Variants in ARHGAP10 observed in about 807,000 individuals in gnomAD.
ARHGAP10 encodes Rho GTPase activating protein 10, also known as rho GTPase-activating protein 10.
A neutral mutation model predicts 108.6 loss-of-function variants in ARHGAP10; 87 were observed. The ratio of observed to expected loss-of-function variants is 0.80; its 90% CI spans 0.67 to 0.96. The LOEUF (loss-of-function observed/expected upper bound fraction) is 0.96, where lower values mean the gene tolerates loss of function less well. Among genes scored for constraint, ARHGAP10 ranks in the 40% least tolerant of loss-of-function variants. The pLI, the probability that ARHGAP10 is intolerant of heterozygous loss-of-function variation, is 0.00. For synonymous variants in ARHGAP10, 347 were observed against 341.1 expected (o/e 1.02, Z -0.19); for missense variants, 939 against 954.5 (o/e 0.98, Z 0.21).
intron 1 of ARHGAP10, among the ~76,000 whole-genome samples, chr4:147,756,046 T>A (rs1039704944): frequency 3.3e-5 from 5 of 150,202 alleles, no homozygotes; most frequent in Non-Finnish European, 7.4e-5. Context: ...TAGTTGTCAG[T>A]GGTGAGGATT....
At chr4:147,975,453 G>A (rs1215995615) in intron 18 of ARHGAP10, among the ~76,000 whole-genome samples, 2 of 152,280 alleles carry the variant, frequency 1.3e-5, no homozygotes, top group East Asian at 3.9e-4. Context: ...ACTTGAGACT[G>A]GGTAATTTTG....
chr4:147,762,831 C>CT (rs1302822526), intron 1 of ARHGAP10, among the ~76,000 whole-genome samples: 3 of 151,868 alleles, frequency 2.0e-5, no homozygotes. Flanking sequence ...CACCTGGCCG[C>CT]TTTTTTATTT....
At chr4:147,786,892 C>G (rs1730912611) in intron 1 of ARHGAP10, among the ~76,000 whole-genome samples, 1 of 152,266 alleles carries the variant, frequency 6.6e-6, no homozygotes, top group Middle Eastern at 3.2e-3. Context: ...TGTCCTCACT[C>G]TTGTGACAGT....
intron 3 of ARHGAP10, among the ~76,000 whole-genome samples, chr4:147,832,403 C>T (rs2126798864): frequency 6.6e-6 from 1 of 150,934 alleles, no homozygotes; most frequent in South Asian, 2.1e-4. Context: ...AATCCCAGCA[C>T]TTTGGGAGGC....
At chr4:147,977,784 T>C (rs1018713458) in intron 18 of ARHGAP10, among the ~76,000 whole-genome samples, 2 of 152,072 alleles carry the variant, frequency 1.3e-5, no homozygotes, top group Non-Finnish European at 2.9e-5. Flanking sequence ...AACAGGAAGT[T>C]TTTCCACCCT....
chr4:147,871,945 A>G (rs1180055369), intron 7 of ARHGAP10, among the ~76,000 whole-genome samples: 3 of 152,086 alleles, frequency 2.0e-5, no homozygotes, highest in African/African-American at 7.2e-5. Flanking sequence ...CACAAAAAAT[A>G]GAGAAAAATT....
chr4:147,784,050 T>TA, intron 1 of ARHGAP10, among the ~76,000 whole-genome samples: 1 of 143,416 alleles, frequency 7.0e-6, no homozygotes, highest in South Asian at 2.3e-4. Flanking sequence ...ATATATTATA[T>TA]ATTTTACATA....
chr4:147,827,433 A>G (rs557469326), intron 3 of ARHGAP10, among the ~76,000 whole-genome samples: 1 of 152,338 alleles, frequency 6.6e-6, no homozygotes, highest in Non-Finnish European at 1.5e-5. Flanking sequence ...GCCAGCAAAG[A>G]TAATGTGGCT....
chr4:147,892,205 T>G (rs1321356623), intron 10 of ARHGAP10, among the ~76,000 whole-genome samples: 1 of 152,198 alleles, frequency 6.6e-6, no homozygotes, highest in Non-Finnish European at 1.5e-5. Context: ...AAATCACCTA[T>G]GTATCTGAAG....
intron 1 of ARHGAP10, among the ~76,000 whole-genome samples, chr4:147,784,036 AATTAT>A (rs1344569572): frequency 1.4e-5 from 2 of 138,718 alleles, no homozygotes; most frequent in Admixed American, 7.5e-5. Flanking sequence ...ACACACATTA[AATTAT>A]ATATTATATA....
In ARHGAP10 at chr4:147,857,785, G is replaced by A. The variant is rs1317150968; in HGVS notation, c.486+131G>A. On this transcript the variant is annotated intron_variant, in intron 5 of 22. Transcript: ENST00000336498. ...AGATAACAAAAAGTGAACAGGTATT[G>A]TCATAAATTAAGAAAAAAGTCCTTG... The A allele has an allele frequency of 1.0e-5, 8 of 795,618 alleles. No individual in the cohort carries two copies. The East Asian group carries it at 3.3e-4, about 33-fold the overall frequency. 49.3% of individuals were successfully genotyped at this position (795,618 alleles called of 1,614,324 possible).
At chr4:148,021,281 C>T (rs1477759192) in intron 18 of ARHGAP10, among the ~76,000 whole-genome samples, 2 of 152,144 alleles carry the variant, frequency 1.3e-5, no homozygotes, top group African/African-American at 4.8e-5. Flanking sequence ...CACCCTTTCC[C>T]CAACACCCTC....
rs952584010 is a variant in ARHGAP10, at chr4:147,959,202, A to G, written c.1450+3828A>G. Reference sequence around the variant, plus strand: ...GATTAATGTCAAAACAAGATAGAGAAAAAAATGGTTTTATTTAAAAAGCCC... The same window carrying G: ...GATTAATGTCAAAACAAGATAGAGAGAAAAATGGTTTTATTTAAAAAGCCC... On this transcript the variant is annotated intron_variant, in intron 16 of 22. Transcript: ENST00000336498. Among the ~76,000 whole-genome samples, 5 of 151,374 alleles carry G rather than the reference A, an allele frequency of 3.3e-5. No homozygotes were observed. The South Asian group carries it at 1.0e-3, about 31-fold the overall frequency.
At chr4:148,022,434 A>T (rs545824257) in intron 18 of ARHGAP10, among the ~76,000 whole-genome samples, 2 of 152,322 alleles carry the variant, frequency 1.3e-5, no homozygotes, top group South Asian at 4.1e-4. Flanking sequence ...ATTTTACTTT[A>T]TGACTTTATT....
At chr4:147,801,713 G>T (rs373158786) in intron 1 of ARHGAP10, among the ~76,000 whole-genome samples, 1 of 152,210 alleles carries the variant, frequency 6.6e-6, no homozygotes, top group Non-Finnish European at 1.5e-5. Flanking sequence ...CCACCCAAGC[G>T]AATTAATCTC....
chr4:147,737,912 C>G (rs966768784), intron 1 of ARHGAP10, among the ~76,000 whole-genome samples: 1 of 152,110 alleles, frequency 6.6e-6, no homozygotes, highest in Non-Finnish European at 1.5e-5. Context: ...TTTTTACTAG[C>G]CAGTCAGCAA....
intron 18 of ARHGAP10, among the ~76,000 whole-genome samples, chr4:147,994,944 C>T (rs1021183424): frequency 7.2e-5 from 11 of 152,064 alleles, no homozygotes; most frequent in Non-Finnish European, 1.2e-4. Context: ...ATTGATGGGT[C>T]GACGTGGAAA....
At chr4:148,055,271 G>T (rs1729312810) in intron 20 of ARHGAP10, among the ~76,000 whole-genome samples, 1 of 152,196 alleles carries the variant, frequency 6.6e-6, no homozygotes, top group Non-Finnish European at 1.5e-5. Flanking sequence ...AATCCATGTA[G>T]GAGCCTCAGG....
chr4:147,908,761 A>G (rs572090979), intron 11 of ARHGAP10, among the ~76,000 whole-genome samples: 3 of 152,318 alleles, frequency 2.0e-5, no homozygotes, highest in East Asian at 1.9e-4. Context: ...CAGTTTCCTT[A>G]TCACTCCATA....
Sources: allele counts gnomAD v4.1 joint callset (sites outside exome capture counted in the v4.1 genomes callset), GRCh38; gene constraint gnomAD v4.1.1; transcripts MANE v1.5; gene names NCBI Gene and HGNC (gene_info 2026-07-23, HGNC 2026-07-21).